Variants in HECTD4 observed in about 807,000 individuals in gnomAD.
HECTD4 encodes HECT domain E3 ubiquitin protein ligase 4.
A neutral mutation model predicts 471.5 loss-of-function variants in HECTD4; 114 were observed. The ratio of observed to expected loss-of-function variants is 0.24; its 90% CI spans 0.21 to 0.28. The LOEUF (loss-of-function observed/expected upper bound fraction) is 0.28, where lower values mean the gene tolerates loss of function less well. HECTD4 is among the 10% of genes least tolerant of loss of function. The pLI, the probability that HECTD4 is intolerant of heterozygous loss-of-function variation, is 1.00. For synonymous variants in HECTD4, 2,012 were observed against 2,256.0 expected, an observed-to-expected ratio of 0.89 and a Z score of 3.07; for missense variants, 3,866 against 5,651.5, an observed-to-expected ratio of 0.68 and a Z score of 10.13.
chr12:112,297,908 G>A (rs1377766910), intron 7 of HECTD4, among the ~76,000 whole-genome samples: 1 of 152,172 alleles, frequency 6.6e-6, no homozygotes, highest in Admixed American at 6.5e-5. Context: ...AGACACAGCA[G>A]AGAGAAGAGG....
chr12:112,291,288 TTA>T (rs2034879942), intron 7 of HECTD4, among the ~76,000 whole-genome samples: 1 of 152,168 alleles, frequency 6.6e-6, no homozygotes, highest in African/African-American at 2.4e-5. Flanking sequence ...CTCCCAGTCA[TTA>T]TGTCATTTCA....
chr12:112,245,871 C>T (rs2033748427), intron 29 of HECTD4, among the ~76,000 whole-genome samples: 1 of 152,196 alleles, frequency 6.6e-6, no homozygotes, highest in South Asian at 2.1e-4. Context: ...GTGGCTCACG[C>T]CTGTAATCCC....
intron 62 of HECTD4, among the ~76,000 whole-genome samples, chr12:112,182,705 C>T (rs1232265633): frequency 6.6e-6 from 1 of 152,246 alleles, no homozygotes; most frequent in East Asian, 1.9e-4. Context: ...GCAAAGCCAC[C>T]CCTGGTAGCC....
intron 62 of HECTD4, among the ~76,000 whole-genome samples, chr12:112,180,606 A>T (rs1445931522): frequency 6.6e-6 from 1 of 152,174 alleles, no homozygotes; most frequent in Non-Finnish European, 1.5e-5. Context: ...ACCATGAGGC[A>T]GATCCATGCA....
intron 13 of HECTD4, 96 bp from the exon 14 acceptor site, chr12:112,267,078 G>T: frequency 1.4e-6 from 1 of 723,662 alleles, no homozygotes; most frequent in Non-Finnish European, 2.4e-6. Flanking sequence ...ATGTCAATTG[G>T]ATGTGAGGGC....
intron 1 of HECTD4, among the ~76,000 whole-genome samples, chr12:112,320,147 C>T (rs770875777): frequency 6.6e-6 from 1 of 151,134 alleles, no homozygotes; most frequent in Non-Finnish European, 1.5e-5. Flanking sequence ...CCAGCCTGGG[C>T]AACATGGTGA....
intron 55 of HECTD4, among the ~76,000 whole-genome samples, chr12:112,198,402 C>T (rs2032312883): frequency 6.6e-6 from 1 of 152,150 alleles, no homozygotes; most frequent in Non-Finnish European, 1.5e-5. Context: ...CTCAGAGGCT[C>T]CTGTGGGGTT....
rs981635739 is a variant in HECTD4 at position 112,243,534 on chromosome 12, G to A, written c.4792-15C>T. The A allele has an allele frequency of 1.3e-5, 21 of 1,603,114 alleles. No individual in the cohort carries two copies. Among genetic ancestry groups the A allele is most frequent in the Non-Finnish European group, 1.8e-5 (21 of 1,174,716 alleles). Reference sequence around the variant, plus strand: ...CTGCTGGACACCTGAAACACACAAGGAGGGACACCTGACTCCTGCTAACTG... The same window carrying A: ...CTGCTGGACACCTGAAACACACAAGAAGGGACACCTGACTCCTGCTAACTG... On this transcript the variant is annotated splice_polypyrimidine_tract_variant and intron_variant, in intron 31 of 75. Transcript: ENST00000682272. This position sits in a 1 kb window ranked among gnomAD's most constrained non-coding sequence, Gnocchi z 6.6.
chr12:112,242,250 C>T (rs911994881), intron 32 of HECTD4, among the ~76,000 whole-genome samples: 3 of 152,080 alleles, frequency 2.0e-5, no homozygotes, highest in Non-Finnish European at 4.4e-5. Context: ...CCTATGTGTC[C>T]GTCAGCAGAG....
intron 13 of HECTD4, among the ~76,000 whole-genome samples, chr12:112,267,861 G>C (rs985868282): frequency 1.3e-5 from 2 of 152,162 alleles, no homozygotes; most frequent in African/African-American, 2.4e-5. Flanking sequence ...ACCCAGGCTG[G>C]AGTGCATGGA....
Position 112,312,889 on chromosome 12 carries a change from G to C in HECTD4, c.916+128C>G, listed in dbSNP as rs938957952. ...TGATAAAGCAGACAATGAACATACTGAATAGAAATCTGGAGCTCTTAATTA... is the reference window on the plus strand; with the variant it reads ...TGATAAAGCAGACAATGAACATACTCAATAGAAATCTGGAGCTCTTAATTA... On this transcript the variant is annotated intron_variant, in intron 4 of 75. Transcript: ENST00000682272. The C allele has an allele frequency of 1.0e-5, 7 of 698,198 alleles. 1 individual carries two copies. In the South Asian group the frequency reaches 1.5e-4, roughly 15 times the overall value. 43.3% of individuals were successfully genotyped at this position (698,198 alleles called of 1,614,324 possible).
At chr12:112,252,579 A>G (rs760428512) in intron 22 of HECTD4, 51 bp from the exon 23 acceptor site, 2 of 1,574,278 alleles carry the variant, frequency 1.3e-6, no homozygotes, top group Non-Finnish European at 1.7e-6. Context: ...AAGATACACA[A>G]TTTCAAAAGA....
chr12:112,338,893 A>C (rs2036004911), intron 1 of HECTD4, among the ~76,000 whole-genome samples: 1 of 152,136 alleles, frequency 6.6e-6, no homozygotes, highest in South Asian at 2.1e-4. Context: ...GAACTCACTC[A>C]CCAGTGAGGA....
At chr12:112,327,696 G>A (rs986616485) in intron 1 of HECTD4, among the ~76,000 whole-genome samples, 1 of 152,188 alleles carries the variant, frequency 6.6e-6, no homozygotes, top group East Asian at 1.9e-4. Context: ...ACACGCAAAC[G>A]CTATCTTTCA....
At chr12:112,182,754 C>T (rs2031723176) in intron 62 of HECTD4, among the ~76,000 whole-genome samples, 1 of 152,258 alleles carries the variant, frequency 6.6e-6, no homozygotes, top group African/African-American at 2.4e-5. Flanking sequence ...GCAGGGGCTG[C>T]CCCCACGGCC....
intron 64 of HECTD4, among the ~76,000 whole-genome samples, chr12:112,177,352 T>A (rs2031485814): frequency 6.6e-6 from 1 of 151,822 alleles, no homozygotes; most frequent in South Asian, 2.1e-4. Context: ...TATATGCATA[T>A]CCATACATGG....
Position 112,184,260 on chromosome 12 carries a change from G to A in HECTD4, c.10706C>T (p.Ser3569Phe). The A allele has an allele frequency of 5.6e-6, 9 of 1,613,610 alleles. No homozygotes were observed. Among genetic ancestry groups the A allele is most frequent in the Non-Finnish European group, 7.6e-6 (9 of 1,179,884 alleles). Residue 3569 changes from serine to phenylalanine, a missense_variant, in exon 61 of 76, where the codon TCC becomes TTC. Physicochemically the swap from Ser to Phe is radical, Grantham distance 155. Around this residue, in one of 16 missense-constraint regions of HECTD4, gnomAD observed 192 missense variants for 189.9 expected, o/e 1.01. Transcript: ENST00000682272. The surrounding 1 kb of genome is among the most constrained non-coding windows in gnomAD (Gnocchi z 9.1). ...GTCCAGGGAAGTGACTGTGTACATG[G>A]AGCCCATGTCCGACACCGAGGCCGT... ...AETASVSDMGSMYTVTSLDNQ... is the reference protein window; with the variant it reads ...AETASVSDMGFMYTVTSLDNQ...
intron 29 of HECTD4, among the ~76,000 whole-genome samples, chr12:112,245,232 G>T (rs2033733605): frequency 6.6e-6 from 1 of 152,122 alleles, no homozygotes; most frequent in Non-Finnish European, 1.5e-5. Flanking sequence ...TTGAACTCCT[G>T]GTGTAAGCGA....
At chr12:112,240,927 C>A (rs1215973930) in intron 32 of HECTD4, among the ~76,000 whole-genome samples, 1 of 152,180 alleles carries the variant, frequency 6.6e-6, no homozygotes, top group African/African-American at 2.4e-5. Context: ...TAGTTTAGAA[C>A]TGAAACTATC....
Sources: allele counts gnomAD v4.1 joint callset (sites outside exome capture counted in the v4.1 genomes callset), GRCh38; gene constraint gnomAD v4.1.1; regional missense constraint gnomAD v4.1.1; non-coding constraint Gnocchi (gnomAD v3.1); transcripts MANE v1.5; gene names NCBI Gene and HGNC (gene_info 2026-07-23, HGNC 2026-07-21).